BNC2: variants seen among roughly 807,000 people sequenced by gnomAD.
BNC2 encodes zinc finger protein basonuclin-2.
BNC2 carries 20 observed loss-of-function variants against 76.3 expected under a neutral mutation model. The observed-to-expected ratio is 0.26, with a 90% CI of 0.18 to 0.38. The LOEUF is 0.38. BNC2 is among the 10% of genes least tolerant of loss of function. The pLI, the probability that BNC2 is intolerant of heterozygous loss-of-function variation, is 1.00. For synonymous variants in BNC2, 582 were observed against 514.8 expected, an observed-to-expected ratio of 1.13 and a Z score of -1.77; for missense variants, 1,382 against 1,399.8, an observed-to-expected ratio of 0.99 and a Z score of 0.20.
intron 3 of BNC2, among the ~76,000 whole-genome samples, chr9:16,594,366 T>C (rs1031353926): frequency 3.3e-5 from 5 of 152,118 alleles, no homozygotes; most frequent in African/African-American, 9.7e-5. Flanking sequence ...CCAGATGCAA[T>C]GTGAAGGGCT....
chr9:16,430,208 C>A (rs889936370), intron 6 of BNC2, among the ~76,000 whole-genome samples: 4 of 151,504 alleles, frequency 2.6e-5, no homozygotes, highest in Non-Finnish European at 4.4e-5. Flanking sequence ...AAAAAAAAAA[C>A]TCTTCCTTAA....
chr9:16,697,745 G>GAT (rs916571399), intron 3 of BNC2, among the ~76,000 whole-genome samples: 30 of 151,648 alleles, frequency 2.0e-4, no homozygotes, highest in Admixed American at 1.8e-3. Context: ...AGTATAGAAT[G>GAT]ATAAAAATAT....
At chr9:16,692,366 A>G (rs1823198293) in intron 3 of BNC2, among the ~76,000 whole-genome samples, 1 of 152,194 alleles carries the variant, frequency 6.6e-6, no homozygotes, top group Non-Finnish European at 1.5e-5. Context: ...CTTTGCAATT[A>G]GATCTCTGTT....
chr9:16,449,507 T>A (rs1159431988), intron 5 of BNC2, among the ~76,000 whole-genome samples: 2 of 152,170 alleles, frequency 1.3e-5, no homozygotes, highest in Non-Finnish European at 2.9e-5. Flanking sequence ...CCACTTTATC[T>A]CATAGGCAGG....
chr9:16,426,353 T>C (rs1454888979), intron 6 of BNC2, among the ~76,000 whole-genome samples: 1 of 144,518 alleles, frequency 6.9e-6, no homozygotes, highest in Non-Finnish European at 1.5e-5. Flanking sequence ...TCAGTATAGA[T>C]GGGTTTTTGC....
intron 3 of BNC2, among the ~76,000 whole-genome samples, chr9:16,607,421 G>C (rs1260071447): frequency 6.6e-6 from 1 of 152,124 alleles, no homozygotes; most frequent in Non-Finnish European, 1.5e-5. Context: ...TGTAAACTTG[G>C]CTGTAACAAT....
At chr9:16,796,707 T>C (rs1372493427) in intron 1 of BNC2, among the ~76,000 whole-genome samples, 4 of 152,118 alleles carry the variant, frequency 2.6e-5, no homozygotes, top group African/African-American at 4.8e-5. Context: ...CCTTATTCCA[T>C]AGAATTCCTG....
chr9:16,780,109 G>A (rs1216645063), intron 1 of BNC2, among the ~76,000 whole-genome samples: 1 of 151,500 alleles, frequency 6.6e-6, no homozygotes, highest in Non-Finnish European at 1.5e-5. Flanking sequence ...GGTGGCGGGT[G>A]CCTGTAGTCC....
chr9:16,581,298 A>G (rs1289477348), intron 4 of BNC2, among the ~76,000 whole-genome samples: 1 of 152,162 alleles, frequency 6.6e-6, no homozygotes, highest in Non-Finnish European at 1.5e-5. Context: ...AGTGGCTCAC[A>G]CCTATAATCC....
At chr9:16,832,058 A>C (rs1450723723) in intron 1 of BNC2, among the ~76,000 whole-genome samples, 1 of 152,232 alleles carries the variant, frequency 6.6e-6, no homozygotes, top group African/African-American at 2.4e-5. Context: ...AACAAAAACT[A>C]ATAGGACAAT....
At chr9:16,822,418 G>C (rs191532368) in intron 1 of BNC2, among the ~76,000 whole-genome samples, 48 of 152,224 alleles carry the variant, frequency 3.2e-4, no homozygotes, top group African/African-American at 1.1e-3. Context: ...ATCCAAGTGA[G>C]TCTAGATGCA....
In BNC2 at chr9:16,689,265, A is replaced by C. The variant is rs147220415; in HGVS notation, c.330+38532T>G. 2.9e-3 allele frequency among the ~76,000 whole-genome samples: 439 copies of C among 152,222 alleles called. 4 individuals are homozygous for C. The highest frequency in any genetic ancestry group is 0.01 in the African/African-American group (424 of 41,538). On this transcript the variant is annotated intron_variant, in intron 3 of 6. Transcript: ENST00000380672. ...TGGGAGCTACCGTTGAAAATATTTG[A>C]AGATGAATGGCTGTGAAAAATGGGT...
At chr9:16,799,572 C>G (rs370623937) in intron 1 of BNC2, among the ~76,000 whole-genome samples, 5 of 152,042 alleles carry the variant, frequency 3.3e-5, no homozygotes, top group Admixed American at 1.3e-4. Flanking sequence ...ACCTTGGCAT[C>G]AGAAAGCATT....
Position 16,543,243 on chromosome 9 carries a change from T to C in BNC2, c.669+9287A>G, listed in dbSNP as rs142312061. Among the ~76,000 whole-genome samples, 244 of 152,296 alleles carry C rather than the reference T, an allele frequency of 1.6e-3. 2 individuals carry two copies. Among genetic ancestry groups the C allele is most frequent in the African/African-American group, 5.0e-3 (209 of 41,568 alleles). On this transcript the variant is annotated intron_variant, in intron 5 of 6. Coordinates refer to ENST00000380672, the MANE Select transcript of BNC2 (RefSeq NM_017637.6). ...ACTTCTCTTCATCCTGAAAGCTCCT[T>C]TAAGAAGGCACCATCAAGAAAATAC...
chr9:16,646,990 A>C (rs1821647465), intron 3 of BNC2, among the ~76,000 whole-genome samples: 1 of 152,192 alleles, frequency 6.6e-6, no homozygotes, highest in Non-Finnish European at 1.5e-5. Flanking sequence ...ACCCATGAGC[A>C]GACATGAGAG....
chr9:16,477,449 CACTT>C lies in BNC2; in HGVS notation c.670-39929_670-39926del, dbSNP rs1435887247. On this transcript the variant is annotated intron_variant, in intron 5 of 6. Transcript: ENST00000380672. Reference sequence around the variant, plus strand: ...GTCTAAGCAACAGCCAAAGCTGTCTCACTTAGACAATCATTTATTAATGGCAAAC... The same window carrying C: ...GTCTAAGCAACAGCCAAAGCTGTCTCAGACAATCATTTATTAATGGCAAAC... 3.3e-5 allele frequency among the ~76,000 whole-genome samples: 5 copies of C among 152,112 alleles called. No individual in the cohort carries two copies. In the East Asian group the frequency reaches 5.8e-4, roughly 18 times the overall value.
At chr9:16,648,286 T>C (rs865996669) in intron 3 of BNC2, among the ~76,000 whole-genome samples, 40 of 152,226 alleles carry the variant, frequency 2.6e-4, no homozygotes, top group Middle Eastern at 3.2e-3. Context: ...TGGCTGTTTT[T>C]AACTAAAACT....
At chr9:16,845,281 A>T (rs924882687) in intron 1 of BNC2, among the ~76,000 whole-genome samples, 1 of 151,800 alleles carries the variant, frequency 6.6e-6, no homozygotes, top group African/African-American at 2.4e-5. Context: ...GCATTTTTTT[A>T]AAATGGAGGG....
At chr9:16,514,822 G>A (rs1398999936) in intron 5 of BNC2, among the ~76,000 whole-genome samples, 1 of 152,212 alleles carries the variant, frequency 6.6e-6, no homozygotes, top group Non-Finnish European at 1.5e-5. Flanking sequence ...TTCACATGGA[G>A]AGAGAAATAA....
Sources: allele counts gnomAD v4.1 joint callset (sites outside exome capture counted in the v4.1 genomes callset), GRCh38; gene constraint gnomAD v4.1.1; transcripts MANE v1.5; gene names NCBI Gene and HGNC (gene_info 2026-07-23, HGNC 2026-07-21).